AP4M1: variants seen among roughly 807,000 people sequenced by gnomAD.
AP4M1 encodes the protein AP-4 complex subunit mu-1.
In AP4M1, 58 loss-of-function variants were observed where a neutral mutation model predicts 62.4. The ratio of observed to expected loss-of-function variants is 0.93; its 90% confidence interval spans 0.75 to 1.16. The LOEUF (loss-of-function observed/expected upper bound fraction) is 1.16. AP4M1 is among the 50% of genes most tolerant of loss of function. The pLI is 0.00. For synonymous variants in AP4M1, 290 were observed against 239.7 expected (o/e 1.21, Z -1.94); for missense variants, 626 against 585.4 (o/e 1.07, Z -0.72).
chr7:100,103,398 T>C lies in AP4M1; in HGVS notation c.352-11T>C. ...CACTGATCACTCAGACTGTCCTTCC[T>C]TTACCACTAGGACTATGGCTATGTA... On this transcript the variant is annotated splice_polypyrimidine_tract_variant and intron_variant, in intron 4 of 14. Transcript: ENST00000359593. 6.2e-7 allele frequency: 1 copy of C among 1,610,738 alleles called. No individual in the cohort carries two copies. The highest frequency in any genetic ancestry group is 8.5e-7 in the Non-Finnish European group (1 of 1,177,042).
rs1363569323 is a variant in AP4M1, at chr7:100,102,748, T to A, written c.221T>A (p.Val74Asp). The A allele has an allele frequency of 6.2e-7, 1 of 1,613,926 alleles. No individual in the cohort carries two copies. Among genetic ancestry groups the A allele is most frequent in the East Asian group, 2.2e-5 (1 of 44,886 alleles). The change falls in exon 3 of 15, where the codon GTT (valine) becomes GAT (aspartate). Residue 74 changes from valine (V) to aspartate (D), a missense_variant. By Grantham distance (152) the Val-to-Asp change is radical. Transcript: ENST00000359593. The stretch of plus-strand genomic sequence containing the variant: ...TTGGTGGTCACAACTTCAGAAAACG[T>A]TTCTCCCTTCAGCCTCCTAGAACTG... ...LYLVVTTSEN[V>D]SPFSLLELLS... is the part of the protein sequence containing the mutation.
intron 13 of AP4M1, 28 bp from the exon 14 acceptor site, chr7:100,106,374 GC>G: frequency 6.2e-7 from 1 of 1,613,098 alleles, no homozygotes; most frequent in Non-Finnish European, 8.5e-7. Flanking sequence ...AAGGTGCCAA[GC>G]CCAGCACCTT....
intron 7 of AP4M1, among the ~76,000 whole-genome samples, chr7:100,104,570 C>T (rs1334837340): frequency 6.6e-6 from 1 of 151,978 alleles, no homozygotes; most frequent in African/African-American, 2.4e-5. Context: ...GTGGCTCATG[C>T]CTGTAATCCC....
At position 100,106,941 on chromosome 7, in the gene AP4M1, C is replaced by T. The variant is rs1796567098; in HGVS notation, c.*59C>T. 9 of 1,545,992 alleles carry T rather than the reference C, an allele frequency of 5.8e-6. No individual in the cohort carries two copies. Among genetic ancestry groups the T allele is most frequent in the Middle Eastern group, 1.8e-4 (1 of 5,668 alleles). On this transcript the variant is annotated 3_prime_UTR_variant, in exon 15 of 15. Coordinates refer to ENST00000359593, the MANE Select transcript of AP4M1 (RefSeq NM_004722.4). ...GCAGTTTGTCCCACGGGAGGACAGT[C>T]GTTTCTTTTCCAGCCTCCTGGCCTT... is the stretch of plus-strand genomic sequence containing the variant.
chr7:100,107,718 G>T lies in AP4M1; in HGVS notation c.*836G>T. 1 of 1,521,178 alleles carries T rather than the reference G, an allele frequency of 6.6e-7. No homozygotes were observed. The highest frequency in any genetic ancestry group is 1.3e-5 in the South Asian group (1 of 79,624). 94.2% of individuals were successfully genotyped at this position (1,521,178 alleles called of 1,614,324 possible). ...CTTCACTCGCTCCCTGCCTGAACAA[G>T]TTGTTCCTGTAGTTCACCCTGTAGA... is the stretch of plus-strand genomic sequence containing the variant. On this transcript the variant is annotated 3_prime_UTR_variant, in exon 15 of 15. Transcript: ENST00000359593.
intron 4 of AP4M1, 196 bp downstream of exon 4, chr7:100,103,156 G>A: frequency 3.1e-6 from 2 of 653,204 alleles, no homozygotes; most frequent in Non-Finnish European, 5.3e-6. Context: ...ACTGCAGCCT[G>A]GAACTCCTGG....
In AP4M1 at chr7:100,102,431, G is replaced by A. The variant is rs1305998431; in HGVS notation, c.148-244G>A. 1.5e-5 allele frequency: 6 copies of A among 397,312 alleles called. No homozygotes were observed. The Admixed American group carries it at 2.8e-4, about 19-fold the overall frequency. The allele number at this position is 397,312 out of a possible 1,614,324, so 24.6% of individuals were successfully genotyped here. Reference sequence around the variant, plus strand: ...GGGGAAAAAAAAAAAAAGAGTCAATGGGCGCCAGCAACACACCAGGCCCAG... The same window carrying A: ...GGGGAAAAAAAAAAAAAGAGTCAATAGGCGCCAGCAACACACCAGGCCCAG... On this transcript the variant is annotated intron_variant, in intron 2 of 14. Transcript: ENST00000359593.
rs1420324991 is a variant in AP4M1 at position 100,108,736 on chromosome 7, TAAGAA to T, written c.*1859_*1863del. 2 of 524,098 alleles carry T rather than the reference TAAGAA, an allele frequency of 3.8e-6. No homozygotes were observed. Among genetic ancestry groups the T allele is most frequent in the Non-Finnish European group, 6.5e-6 (2 of 306,898 alleles). The allele number at this position is 524,098 out of a possible 1,614,324, so 32.5% of individuals were successfully genotyped here. A position where few individuals can be genotyped will look rare whatever the true frequency, so the allele number is the denominator to read the frequency against. ...GTACAGAACACTGTGGGCTTTCTCA[TAAGAA>T]AAGATGGGCACGGGGCCAGGTGCAG... On this transcript the variant is annotated 3_prime_UTR_variant, in exon 15 of 15. Transcript: ENST00000359593.
chr7:100,105,209 A>G, intron 9 of AP4M1, 31 bp from the exon 10 acceptor site: 1 of 1,608,246 alleles, frequency 6.2e-7, no homozygotes, highest in South Asian at 1.1e-5. Context: ...AACAGGAGTC[A>G]GGAGAGAAGT....
chr7:100,102,258 G>A lies in AP4M1; in HGVS notation c.147+290G>A, dbSNP rs1213422865. 8.7e-6 allele frequency: 5 copies of A among 574,952 alleles called. No homozygotes were observed. In the South Asian group the frequency reaches 9.2e-5, roughly 11 times the overall value. The allele number at this position is 574,952 out of a possible 1,614,324, so 35.6% of individuals were successfully genotyped here. ...AAAAAAAACATAGCTGGGCGTGGTG[G>A]CGGGCGCCTGTAATCCCATCTACTC... On this transcript the variant is annotated intron_variant, in intron 2 of 14. Transcript: ENST00000359593.
chr7:100,104,906 G>T lies in AP4M1; in HGVS notation c.639G>T (p.Glu213Asp). ...GSLLKVDVQG[E>D]IRLKSFLPSG... ...TGCTGAAGGTGGATGTGCAGGGAGAGATTCGGCTCAAGAGCTTCCTTCCTA... is the reference window on the plus strand; with the variant it reads ...TGCTGAAGGTGGATGTGCAGGGAGATATTCGGCTCAAGAGCTTCCTTCCTA... Residue 213 changes from glutamate (E) to aspartate (D), a missense_variant, in exon 8 of 15, where the codon GAG becomes GAT. Glu to Asp is a conservative substitution (Grantham distance 45). Coordinates refer to ENST00000359593, the MANE Select transcript of AP4M1 (RefSeq NM_004722.4). 1 of 1,614,206 alleles carries T rather than the reference G, an allele frequency of 6.2e-7. No homozygotes were observed. Among genetic ancestry groups the T allele is most frequent in the Non-Finnish European group, 8.5e-7 (1 of 1,180,026 alleles).
intron 11 of AP4M1, 132 bp downstream of exon 11, chr7:100,105,671 G>A (rs535979518): frequency 2.1e-5 from 21 of 979,788 alleles, no homozygotes; most frequent in East Asian, 1.6e-4. Flanking sequence ...CTTGGGTTGC[G>A]GCCGGTGGCT....
intron 4 of AP4M1, 127 bp from the exon 5 acceptor site, chr7:100,103,282 C>A: frequency 1.2e-6 from 1 of 828,990 alleles, no homozygotes; most frequent in Non-Finnish European, 2.0e-6. Flanking sequence ...GGCCTCAAGC[C>A]ATTCTCCTAC....
intron 2 of AP4M1, 120 bp from the exon 3 acceptor site, chr7:100,102,555 C>G: frequency 1.7e-5 from 14 of 838,158 alleles, no homozygotes; most frequent in Non-Finnish European, 2.8e-5. Flanking sequence ...TCATGTATCT[C>G]CCAAAGGCAC....
chr7:100,107,388 G>T lies in AP4M1; in HGVS notation c.*506G>T, dbSNP rs148250440. 3 of 1,596,238 alleles carry T rather than the reference G, an allele frequency of 1.9e-6. No individual in the cohort carries two copies. The highest frequency in any genetic ancestry group is 3.5e-5 in the Admixed American group (2 of 57,918). Reference sequence around the variant, plus strand: ...GCTGAGTGGGGACGGGGACGATGCCGGGGGAGGAACTGGAGAAGGATGGGA... The same window carrying T: ...GCTGAGTGGGGACGGGGACGATGCCTGGGGAGGAACTGGAGAAGGATGGGA... On this transcript the variant is annotated 3_prime_UTR_variant, in exon 15 of 15. Transcript: ENST00000359593.
At chr7:100,106,312 C>A (rs761239534) in intron 13 of AP4M1, 21 bp downstream of exon 13, 16 of 1,613,618 alleles carry the variant, frequency 9.9e-6, no homozygotes, top group Non-Finnish European at 1.3e-5. Context: ...GCACCCACCA[C>A]GGGGAGATTC....
rs1796536706 is a variant in AP4M1, at chr7:100,106,717, T to G, written c.1197T>G (p.Pro399=). 6.2e-7 allele frequency: 1 copy of G among 1,613,632 alleles called. No individual in the cohort carries two copies. Among genetic ancestry groups the G allele is most frequent in the African/African-American group, 1.3e-5 (1 of 74,888 alleles). The change falls in exon 15 of 15, where the codon CCT becomes CCG. Residue 399 remains proline, a synonymous_variant. Coordinates refer to ENST00000359593, the MANE Select transcript of AP4M1 (RefSeq NM_004722.4). ...ATGGGCTCTCCACCTCGGCCTCTCC[T>G]CTGGGGCTGGGCCCTGCCAGTCTCT... ...PSHGLSTSAS[P]LGLGPASLSF...
Position 100,105,471 on chromosome 7 carries a change from C to G in AP4M1, c.861C>G (p.Ser287=), listed in dbSNP as rs142325884. The G allele has an allele frequency of 1.8e-5, 29 of 1,613,938 alleles. No individual in the cohort carries two copies. Among genetic ancestry groups the G allele is most frequent in the Non-Finnish European group, 2.5e-5 (29 of 1,180,020 alleles). Residue 287 remains serine, a synonymous_variant, in exon 11 of 15, where the codon TCC becomes TCG. Coordinates refer to ENST00000359593, the MANE Select transcript of AP4M1 (RefSeq NM_004722.4). The stretch of plus-strand genomic sequence containing the variant: ...TGACTGTGATGCGGTACCAACTCTC[C>G]GATGACCTCCCCTCACCGCTCCCCT... The part of the protein sequence containing the change: ...GELTVMRYQL[S]DDLPSPLPFR...
Position 100,106,174 on chromosome 7 carries a change from A to G in AP4M1, c.975-67A>G, listed in dbSNP as rs1796457633. ...ACCTGTGCTGAAATCCTGTTATGAC[A>G]TTGAAGAGGAACAGGACAAGGGACT... On this transcript the variant is annotated intron_variant, in intron 12 of 14. Coordinates refer to ENST00000359593, the MANE Select transcript of AP4M1 (RefSeq NM_004722.4). 10 of 1,586,850 alleles carry G rather than the reference A, an allele frequency of 6.3e-6. No homozygotes were observed. The East Asian group carries it at 1.1e-4, about 18-fold the overall frequency.
Sources: allele counts gnomAD v4.1 joint callset (sites outside exome capture counted in the v4.1 genomes callset), GRCh38; gene constraint gnomAD v4.1.1; transcripts MANE v1.5; gene names NCBI Gene and HGNC (gene_info 2026-07-23, HGNC 2026-07-21).